Variants in HS3ST4 observed in about 807,000 individuals in gnomAD.
The protein encoded by HS3ST4 is heparan sulfate-glucosamine 3-sulfotransferase 4, also known as heparan sulfate glucosamine 3-O-sulfotransferase 4.
A neutral mutation model predicts 29.2 loss-of-function variants in HS3ST4; 17 were observed. The observed-to-expected ratio is 0.58, with a 90% CI of 0.40 to 0.87. The LOEUF (loss-of-function observed/expected upper bound fraction) is 0.87, where lower values mean the gene tolerates loss of function less well. Ranked by LOEUF, HS3ST4 falls within the 40% of genes least tolerant of loss-of-function variation. HS3ST4 has a pLI of 0.00. For missense variants in HS3ST4, 627 were observed against 634.5 expected (o/e 0.99, Z 0.13); for synonymous variants, 314 against 285.7 (o/e 1.10, Z -1.00).
chr16:25,743,132 A>G (rs1364306705), intron 1 of HS3ST4, among the ~76,000 whole-genome samples: 1 of 152,180 alleles, frequency 6.6e-6, no homozygotes, highest in African/African-American at 2.4e-5. Flanking sequence ...ACTCACGGGA[A>G]ACCTTGCATG....
chr16:25,853,704 CA>C, intron 1 of HS3ST4, among the ~76,000 whole-genome samples: 1 of 152,122 alleles, frequency 6.6e-6, no homozygotes. Flanking sequence ...TGAACCATCC[CA>C]GGGGTAAATC....
At chr16:25,703,324 G>A (rs1035952548) in intron 1 of HS3ST4, among the ~76,000 whole-genome samples, 1 of 152,184 alleles carries the variant, frequency 6.6e-6, no homozygotes, top group South Asian at 2.1e-4. Context: ...CAGTCGCCGT[G>A]GGAGTGGCAG....
chr16:25,699,380 G>A (rs1185125195), intron 1 of HS3ST4, among the ~76,000 whole-genome samples: 2 of 152,194 alleles, frequency 1.3e-5, no homozygotes, highest in Non-Finnish European at 1.5e-5. Flanking sequence ...AAGAAAATTC[G>A]CAAATACATT....
chr16:26,113,764 C>T (rs1449836690), intron 1 of HS3ST4, among the ~76,000 whole-genome samples: 2 of 152,092 alleles, frequency 1.3e-5, no homozygotes, highest in Admixed American at 6.5e-5. Flanking sequence ...TTCTCTTCCT[C>T]CTGACCCACA....
chr16:25,858,850 C>T (rs909572497), intron 1 of HS3ST4, among the ~76,000 whole-genome samples: 10 of 152,048 alleles, frequency 6.6e-5, no homozygotes, highest in African/African-American at 1.2e-4. Context: ...GCTCTGAACA[C>T]TTTGTATGTG....
At chr16:25,959,162 G>A (rs1333278182) in intron 1 of HS3ST4, among the ~76,000 whole-genome samples, 1 of 152,148 alleles carries the variant, frequency 6.6e-6, no homozygotes, top group African/African-American at 2.4e-5. Context: ...GAAGAGTGCC[G>A]GGTGAAGTCA....
At chr16:25,993,878 T>C (rs989126861) in intron 1 of HS3ST4, among the ~76,000 whole-genome samples, 1 of 151,738 alleles carries the variant, frequency 6.6e-6, no homozygotes, top group African/African-American at 2.4e-5. Flanking sequence ...TGCTGGCAGA[T>C]TCAGTTCTTG....
chr16:26,083,463 T>C (rs981491798), intron 1 of HS3ST4, among the ~76,000 whole-genome samples: 1 of 152,224 alleles, frequency 6.6e-6, no homozygotes, highest in African/African-American at 2.4e-5. Context: ...AGTGCTAATC[T>C]AGACCAAGAG....
intron 1 of HS3ST4, among the ~76,000 whole-genome samples, chr16:25,724,228 G>T (rs1966516622): frequency 6.6e-6 from 1 of 151,848 alleles, no homozygotes; most frequent in Non-Finnish European, 1.5e-5. Context: ...AAATAAAGCA[G>T]TGAAATGAAT....
intron 1 of HS3ST4, among the ~76,000 whole-genome samples, chr16:25,811,952 A>G (rs190572524): frequency 4.9e-4 from 74 of 152,282 alleles, no homozygotes; most frequent in Admixed American, 1.2e-3. Context: ...AGGGTCAACA[A>G]CTGGCCCCCA....
At chr16:25,707,342 T>C (rs35448570) in intron 1 of HS3ST4, among the ~76,000 whole-genome samples, 1 of 152,220 alleles carries the variant, frequency 6.6e-6, no homozygotes. Flanking sequence ...TAATATATTG[T>C]TATAATTCTA....
At chr16:26,105,711 G>C (rs1261641058) in intron 1 of HS3ST4, among the ~76,000 whole-genome samples, 1 of 152,222 alleles carries the variant, frequency 6.6e-6, no homozygotes, top group Non-Finnish European at 1.5e-5. Context: ...AAAGCCAGAC[G>C]GGCTTTCGCC....
chr16:25,760,636 G>A (rs781600464), intron 1 of HS3ST4, among the ~76,000 whole-genome samples: 1 of 151,874 alleles, frequency 6.6e-6, no homozygotes, highest in African/African-American at 2.4e-5. Context: ...CTAGGCTGGT[G>A]TCGAACTCCT....
At chr16:25,713,874 C>T (rs1966434051) in intron 1 of HS3ST4, among the ~76,000 whole-genome samples, 1 of 152,170 alleles carries the variant, frequency 6.6e-6, no homozygotes, top group Non-Finnish European at 1.5e-5. Context: ...GATCCAATTC[C>T]CTTGGCCCTG....
chr16:25,777,590 G>A (rs906046575), intron 1 of HS3ST4, among the ~76,000 whole-genome samples: 1 of 152,078 alleles, frequency 6.6e-6, no homozygotes, highest in East Asian at 1.9e-4. Flanking sequence ...CCAACATGGC[G>A]AAAAACATCT....
At chr16:25,996,710 A>G (rs967090578) in intron 1 of HS3ST4, among the ~76,000 whole-genome samples, 3 of 152,242 alleles carry the variant, frequency 2.0e-5, no homozygotes, top group East Asian at 1.9e-4. Flanking sequence ...ATTTTTCACT[A>G]CTATTCTCTA....
intron 1 of HS3ST4, among the ~76,000 whole-genome samples, chr16:25,979,459 A>G (rs1968980565): frequency 6.6e-6 from 1 of 152,146 alleles, no homozygotes; most frequent in East Asian, 1.9e-4. Flanking sequence ...GAGGCATTAG[A>G]TTCTCATAGA....
chr16:26,026,879 G>T lies in HS3ST4; in HGVS notation c.735-108733G>T, dbSNP rs1969481151. 3.3e-5 allele frequency among the ~76,000 whole-genome samples: 5 copies of T among 152,304 alleles called. No homozygotes were observed. The South Asian group carries it at 1.0e-3, about 32-fold the overall frequency. ...CCGCTGTGTAGGGCAAAGTGGAAGG[G>T]AGATGTCCTCATGGGACATTTAAAT... On this transcript the variant is annotated intron_variant, in intron 1 of 1. Coordinates refer to ENST00000331351, the MANE Select transcript of HS3ST4 (RefSeq NM_006040.3).
At chr16:25,769,947 TCTC>T (rs1416342627) in intron 1 of HS3ST4, among the ~76,000 whole-genome samples, 2 of 152,146 alleles carry the variant, frequency 1.3e-5, no homozygotes, top group Admixed American at 1.3e-4. Context: ...TCCAGCCCCT[TCTC>T]CTCCTTTCTA....
Sources: allele counts gnomAD v4.1 joint callset (sites outside exome capture counted in the v4.1 genomes callset), GRCh38; gene constraint gnomAD v4.1.1; transcripts MANE v1.5; gene names NCBI Gene and HGNC (gene_info 2026-07-23, HGNC 2026-07-21).